PLPPR1: variants seen among roughly 807,000 people sequenced by gnomAD.
The protein encoded by PLPPR1 is phospholipid phosphatase related 1.
PLPPR1 carries 10 observed loss-of-function variants against 33.1 expected under a neutral mutation model. The observed-to-expected ratio is 0.30, with a 90% CI of 0.19 to 0.51. The LOEUF is 0.51. Ranked by LOEUF, PLPPR1 falls within the 20% of genes least tolerant of loss-of-function variation. PLPPR1 has a pLI of 0.97. For synonymous variants in PLPPR1, 151 were observed against 151.0 expected, an observed-to-expected ratio of 1.00 and a Z score of 0.00; for missense variants, 304 against 408.1, an observed-to-expected ratio of 0.74 and a Z score of 2.20.
intron 1 of PLPPR1, among the ~76,000 whole-genome samples, chr9:101,042,911 G>A (rs1234291319): frequency 6.6e-6 from 1 of 152,102 alleles, no homozygotes; most frequent in Non-Finnish European, 1.5e-5. Flanking sequence ...CTCCAGAGCT[G>A]CTTTCCCTTT....
At chr9:101,293,074 C>T (rs1828548671) in intron 4 of PLPPR1, among the ~76,000 whole-genome samples, 2 of 152,000 alleles carry the variant, frequency 1.3e-5, no homozygotes, top group South Asian at 4.2e-4. Context: ...TGTGCAGAGA[C>T]ACACATAGGC....
intron 1 of PLPPR1, among the ~76,000 whole-genome samples, chr9:101,156,549 C>A (rs1427140814): frequency 1.3e-5 from 1 of 74,548 alleles, no homozygotes; most frequent in Non-Finnish European, 2.5e-5. Context: ...CAAACCCTGT[C>A]TCCAAAAAAA....
At chr9:101,305,895 A>C (rs1448977241) in intron 4 of PLPPR1, among the ~76,000 whole-genome samples, 1 of 152,198 alleles carries the variant, frequency 6.6e-6, no homozygotes, top group Non-Finnish European at 1.5e-5. Flanking sequence ...TTGTCCAAAG[A>C]CATCCTATCT....
intron 4 of PLPPR1, among the ~76,000 whole-genome samples, chr9:101,291,293 A>G (rs564385684): frequency 2.0e-5 from 3 of 152,350 alleles, no homozygotes; most frequent in African/African-American, 7.2e-5. Flanking sequence ...GGGAAGCTCG[A>G]ACTGGGTGGA....
chr9:101,219,987 T>C (rs1180226155), intron 2 of PLPPR1, among the ~76,000 whole-genome samples: 1 of 152,214 alleles, frequency 6.6e-6, no homozygotes, highest in South Asian at 2.1e-4. Context: ...GCAGAAATAA[T>C]GGAAGCCTCA....
intron 2 of PLPPR1, among the ~76,000 whole-genome samples, chr9:101,215,008 G>A (rs1344102482): frequency 6.9e-6 from 1 of 144,464 alleles, no homozygotes; most frequent in Non-Finnish European, 1.5e-5. Flanking sequence ...GGGTGACAGA[G>A]TAAGACTCCA....
intron 1 of PLPPR1, among the ~76,000 whole-genome samples, chr9:101,048,094 G>A (rs1045011555): frequency 1.3e-5 from 2 of 152,140 alleles, no homozygotes; most frequent in Non-Finnish European, 1.5e-5. Flanking sequence ...CTCCTTTATC[G>A]CATGTGCCAC....
intron 1 of PLPPR1, among the ~76,000 whole-genome samples, chr9:101,043,554 T>A (rs374343748): frequency 7.4e-4 from 113 of 152,178 alleles, no homozygotes; most frequent in African/African-American, 2.6e-3. Context: ...CTGATGGGTA[T>A]TTCGGCTGTT....
chr9:101,097,567 G>A (rs1830835548), intron 1 of PLPPR1, among the ~76,000 whole-genome samples: 1 of 152,182 alleles, frequency 6.6e-6, no homozygotes, highest in African/African-American at 2.4e-5. Flanking sequence ...CATCTGAGTA[G>A]ATTTAACCCT....
intron 2 of PLPPR1, among the ~76,000 whole-genome samples, chr9:101,223,162 A>G (rs1305889586): frequency 2.2e-5 from 3 of 133,556 alleles, no homozygotes; most frequent in Non-Finnish European, 3.1e-5. Context: ...AAAAAAAAAA[A>G]AAAAAAAAAA....
chr9:101,290,627 G>A (rs1242781478), intron 4 of PLPPR1, among the ~76,000 whole-genome samples: 2 of 152,010 alleles, frequency 1.3e-5, no homozygotes, highest in Non-Finnish European at 2.9e-5. Context: ...CAGAAATGTA[G>A]ATTAATTTTT....
intron 1 of PLPPR1, among the ~76,000 whole-genome samples, chr9:101,034,429 A>C (rs1402883722): frequency 6.6e-6 from 1 of 152,178 alleles, no homozygotes; most frequent in Non-Finnish European, 1.5e-5. Context: ...CCACTTGGGC[A>C]TGCAGGCTGA....
intron 1 of PLPPR1, among the ~76,000 whole-genome samples, chr9:101,100,020 T>C (rs1337326380): frequency 6.6e-6 from 1 of 152,038 alleles, no homozygotes; most frequent in Non-Finnish European, 1.5e-5. Context: ...GGGAAAAAAA[T>C]GTGGTGGCTG....
intron 2 of PLPPR1, among the ~76,000 whole-genome samples, chr9:101,207,780 G>GA (rs1259701749): frequency 1.2e-4 from 18 of 152,042 alleles, no homozygotes; most frequent in Admixed American, 7.9e-4. Context: ...GAGAGATTTT[G>GA]AAAAAAGAAA....
chr9:101,195,784 C>T (rs904055754), intron 2 of PLPPR1, among the ~76,000 whole-genome samples: 3 of 152,186 alleles, frequency 2.0e-5, no homozygotes, highest in East Asian at 1.9e-4. Context: ...GGTAACATCA[C>T]GTGTTCCCTG....
intron 2 of PLPPR1, among the ~76,000 whole-genome samples, chr9:101,197,040 G>C (rs1826409990): frequency 6.6e-6 from 1 of 152,142 alleles, no homozygotes; most frequent in African/African-American, 2.4e-5. Flanking sequence ...TAAAACACCA[G>C]CATCTATTGC....
chr9:101,294,272 T>G (rs1460080308), intron 4 of PLPPR1, among the ~76,000 whole-genome samples: 2 of 151,728 alleles, frequency 1.3e-5, no homozygotes. Context: ...AATCTCTGAA[T>G]AGACCAATAA....
At chr9:101,169,119 A>T (rs1825901769) in intron 1 of PLPPR1, among the ~76,000 whole-genome samples, 1 of 152,168 alleles carries the variant, frequency 6.6e-6, no homozygotes, top group Admixed American at 6.6e-5. Flanking sequence ...TTTTCTCTCC[A>T]GACTTTAAAC....
chr9:101,152,039 C>A (rs892610099), intron 1 of PLPPR1, among the ~76,000 whole-genome samples: 2 of 152,196 alleles, frequency 1.3e-5, no homozygotes, highest in African/African-American at 4.8e-5. Flanking sequence ...TCCTATTTCT[C>A]CACATCCTCT....
Sources: allele counts gnomAD v4.1 joint callset (sites outside exome capture counted in the v4.1 genomes callset), GRCh38; gene constraint gnomAD v4.1.1; transcripts MANE v1.5; gene names NCBI Gene and HGNC (gene_info 2026-07-23, HGNC 2026-07-21).